The following EPHA1 variants were observed in gnomAD, a reference collection of about 807,000 sequenced individuals.
EPHA1 encodes the protein EPH receptor A1, also known as ephrin type-A receptor 1.
EPHA1 carries 92 observed loss-of-function variants against 110.1 expected under a neutral mutation model. That is an observed-to-expected ratio of 0.84 (90% CI 0.71 to 0.99). The LOEUF is 0.99. Ranked by LOEUF, EPHA1 falls within the 50% of genes least tolerant of loss-of-function variation. The probability of loss-of-function intolerance (pLI) is 0.00; values close to 1 mark genes in which losing one functional copy is unlikely to be tolerated. For synonymous variants in EPHA1, 500 were observed against 516.1 expected (o/e 0.97, Z 0.42); for missense variants, 1,204 against 1,285.4 (o/e 0.94, Z 0.97).
At position 143,395,618 on chromosome 7, in the gene EPHA1, G is replaced by A; in HGVS notation, c.1898-114C>T. On this transcript the variant is annotated intron_variant, in intron 11 of 17. Transcript: ENST00000275815. This position sits in a 1 kb window ranked among gnomAD's most constrained non-coding sequence, Gnocchi z 4.7. ...TTCTTTTCTGGAGAATCAGAAGCGTGGAGTGCCCTTCCTGGGACAGGGCGT... is the reference window on the plus strand; with the variant it reads ...TTCTTTTCTGGAGAATCAGAAGCGTAGAGTGCCCTTCCTGGGACAGGGCGT... 1 of 1,149,792 alleles carries A rather than the reference G, an allele frequency of 8.7e-7. No homozygotes were observed. Among genetic ancestry groups the A allele is most frequent in the Non-Finnish European group, 1.2e-6 (1 of 823,898 alleles). The allele number at this position is 1,149,792 out of a possible 1,614,324, so 71.2% of individuals were successfully genotyped here. A position where few individuals can be genotyped will look rare whatever the true frequency, so the allele number is the denominator to read the frequency against.
chr7:143,391,550 G>C lies in EPHA1; in HGVS notation c.2853-15C>G, dbSNP rs571149481. The C allele has an allele frequency of 1.2e-6, 2 of 1,614,194 alleles. No homozygotes were observed. The highest frequency in any genetic ancestry group is 2.2e-5 in the East Asian group (1 of 44,882). On this transcript the variant is annotated splice_polypyrimidine_tract_variant and intron_variant, in intron 17 of 17. Transcript: ENST00000275815. ...GCGTCAGGTCCCTGTGGGCAAGGAA[G>C]GGTGGGGGCATGAGTCCGGAGGCTC... is the stretch of plus-strand genomic sequence containing the variant.
rs912992397 is a variant in EPHA1, at chr7:143,393,931, G to A, written c.2503-67C>T. The A allele has an allele frequency of 5.2e-5, 77 of 1,479,288 alleles. No individual in the cohort carries two copies. The highest frequency in any genetic ancestry group is 1.8e-4 in the Middle Eastern group (1 of 5,432). The allele number at this position is 1,479,288 out of a possible 1,614,324, so 91.6% of individuals were successfully genotyped here. Reference sequence around the variant, plus strand: ...ACCTGGAGGCCCATGAGAAACCGACGGTCACACAAGATAATTGCAGTGGAG... The same window carrying A: ...ACCTGGAGGCCCATGAGAAACCGACAGTCACACAAGATAATTGCAGTGGAG... On this transcript the variant is annotated intron_variant, in intron 15 of 17. Transcript: ENST00000275815. The surrounding 1 kb of genome is among the most constrained non-coding windows in gnomAD (Gnocchi z 5.6).
At position 143,397,557 on chromosome 7, in the gene EPHA1, G is replaced by T; in HGVS notation, c.1712+4C>A. The T allele has an allele frequency of 6.2e-7, 1 of 1,614,086 alleles. No homozygotes were observed. Among genetic ancestry groups the T allele is most frequent in the South Asian group, 1.1e-5 (1 of 91,084 alleles). ...GTGGTTGGGGAGGGGGCAGGAGCTG[G>T]CACCTGGACCGGAAAACGAGAATCC... is the stretch of plus-strand genomic sequence containing the variant. On this transcript the variant is annotated splice_donor_region_variant and intron_variant, in intron 9 of 17. Coordinates refer to ENST00000275815, the MANE Select transcript of EPHA1 (RefSeq NM_005232.5).
At chr7:143,397,268 C>A in intron 10 of EPHA1, 36 bp downstream of exon 10, 1 of 1,538,870 alleles carries the variant, frequency 6.5e-7, no homozygotes, top group Non-Finnish European at 8.8e-7. Flanking sequence ...GGTGTGCACA[C>A]GCATGTGGGG....
chr7:143,401,424 C>T lies in EPHA1; in HGVS notation c.332G>A (p.Gly111Glu), dbSNP rs756424890. 1.2e-6 allele frequency: 2 copies of T among 1,614,004 alleles called. No individual in the cohort carries two copies. The highest frequency in any genetic ancestry group is 1.7e-6 in the Non-Finnish European group (2 of 1,180,052). Residue 111 changes from glycine (G) to glutamate (E), a missense_variant, in exon 3 of 18, where the codon GGG becomes GAG. Physicochemically the swap from Gly to Glu is moderately conservative, Grantham distance 98. Coordinates refer to ENST00000275815, the MANE Select transcript of EPHA1 (RefSeq NM_005232.5). The surrounding 1 kb of genome is among the most constrained non-coding windows in gnomAD (Gnocchi z 4.1). ...FTVRDCKSFP[G>E]GAGPLGCKET... ...CTTGCAGCCCAGAGGCCCGGCTCCC[C>T]CAGGGAAACTCTTGCAGTCCCGCAC...
intron 8 of EPHA1, 130 bp downstream of exon 8, chr7:143,397,790 C>T (rs562294624): frequency 2.0e-6 from 3 of 1,523,266 alleles, no homozygotes; most frequent in South Asian, 2.3e-5. Context: ...TGTCCCCTAC[C>T]CCCGGAAGAA....
chr7:143,403,522 GT>G (rs200578815), intron 2 of EPHA1, among the ~76,000 whole-genome samples: 15 of 151,374 alleles, frequency 9.9e-5, no homozygotes, highest in Non-Finnish European at 8.8e-5. Context: ...ACAGCTTCTA[GT>G]TTTTTTTTCT....
Position 143,395,304 on chromosome 7 carries a change from G to C in EPHA1, c.2083+15C>G, listed in dbSNP as rs1805212767. On this transcript the variant is annotated intron_variant, in intron 12 of 17. Transcript: ENST00000275815. The surrounding 1 kb of genome is among the most constrained non-coding windows in gnomAD (Gnocchi z 4.7). ...GCATTTCCCGCCCCCAGCTGAGGGA[G>C]ACCACTCATCGTACGCTTTGTGACG... The C allele has an allele frequency of 6.2e-7, 1 of 1,613,998 alleles. No homozygotes were observed. Among genetic ancestry groups the C allele is most frequent in the Non-Finnish European group, 8.5e-7 (1 of 1,180,020 alleles).
chr7:143,392,202 G>T (rs10227035), intron 16 of EPHA1, among the ~76,000 whole-genome samples: 1,921 of 152,286 alleles, frequency 0.013, 37 homozygotes, highest in African/African-American at 0.044. Context: ...TGAGTTCCGG[G>T]AGCAGTCCTT....
At chr7:143,407,767 GGCTGC>G in intron 1 of EPHA1, 89 bp from the exon 2 acceptor site, 9 of 1,202,344 alleles carry the variant, frequency 7.5e-6, no homozygotes, top group African/African-American at 1.5e-5. Context: ...CTCAGCCCCA[GGCTGC>G]AACATCCTGT....
rs1036785002 is a variant in EPHA1 at position 143,395,710 on chromosome 7, T to C, written c.1898-206A>G. Reference sequence around the variant, plus strand: ...TGCAATGCCGTGACCTATTCACCACTGTCTCCCAGTGTTTGCACAGTTCTT... The same window carrying C: ...TGCAATGCCGTGACCTATTCACCACCGTCTCCCAGTGTTTGCACAGTTCTT... On this transcript the variant is annotated intron_variant, in intron 11 of 17. Transcript: ENST00000275815. This position sits in a 1 kb window ranked among gnomAD's most constrained non-coding sequence, Gnocchi z 4.7. 1 of 598,536 alleles carries C rather than the reference T, an allele frequency of 1.7e-6. No individual in the cohort carries two copies. Among genetic ancestry groups the C allele is most frequent in the Non-Finnish European group, 2.9e-6 (1 of 339,628 alleles). The allele number at this position is 598,536 out of a possible 1,614,324, so 37.1% of individuals were successfully genotyped here. A position where few individuals can be genotyped will look rare whatever the true frequency, so the allele number is the denominator to read the frequency against.
chr7:143,395,427 T>C lies in EPHA1; in HGVS notation c.1975A>G (p.Lys659Glu), dbSNP rs781335770. The C allele has an allele frequency of 1.9e-6, 3 of 1,614,180 alleles. No individual in the cohort carries two copies. Among genetic ancestry groups the C allele is most frequent in the Non-Finnish European group, 2.5e-6 (3 of 1,180,042 alleles). The stretch of plus-strand genomic sequence containing the variant: ...CACTGGCCACCTGGGGATGTGTCTT[T>C]TAAGGTCTTAATGGCCACAGTCTTG... ...DCKTVAIKTL[K>E]DTSPGGQWWN... is the part of the protein sequence containing the mutation. Residue 659 changes from lysine to glutamate, a missense_variant, in exon 12 of 18, where the codon AAA becomes GAA. Lys to Glu is a moderately conservative substitution (Grantham distance 56). Coordinates refer to ENST00000275815, the MANE Select transcript of EPHA1 (RefSeq NM_005232.5). The surrounding 1 kb of genome is among the most constrained non-coding windows in gnomAD (Gnocchi z 4.7).
At chr7:143,396,709 C>A (rs1175698066) in intron 10 of EPHA1, 199 bp from the exon 11 acceptor site, 2 of 589,710 alleles carry the variant, frequency 3.4e-6, no homozygotes, top group African/African-American at 3.7e-5. Flanking sequence ...CCAAGCTCCG[C>A]TGTCCTCACT....
Position 143,391,161 on chromosome 7 carries a change from T to G in EPHA1, c.*296A>C. 1 of 391,474 alleles carries G rather than the reference T, an allele frequency of 2.6e-6. No homozygotes were observed. The highest frequency in any genetic ancestry group is 4.8e-5 in the East Asian group (1 of 20,978). 24.3% of individuals were successfully genotyped at this position (391,474 alleles called of 1,614,324 possible). On this transcript the variant is annotated 3_prime_UTR_variant, in exon 18 of 18. Coordinates refer to ENST00000275815, the MANE Select transcript of EPHA1 (RefSeq NM_005232.5). The stretch of plus-strand genomic sequence containing the variant: ...GTGCCTGCAGCCCTCATGGGTGGGA[T>G]GGAGGCAGAAAATCAGTTCCTGTTT...
At chr7:143,394,055 C>A (rs1300960060) in intron 15 of EPHA1, 139 bp downstream of exon 15, 1 of 1,295,302 alleles carries the variant, frequency 7.7e-7, no homozygotes, top group African/African-American at 1.5e-5. Context: ...AGGTGAAGAA[C>A]CAGAGGAGCC....
intron 2 of EPHA1, among the ~76,000 whole-genome samples, chr7:143,406,541 G>T (rs2116641282): frequency 6.6e-6 from 1 of 152,372 alleles, no homozygotes; most frequent in African/African-American, 2.4e-5. Flanking sequence ...CCGAGGAGGA[G>T]GGTCAGGTAA....
rs765891077 is a variant in EPHA1 at position 143,398,037 on chromosome 7, T to A, written c.1498A>T (p.Arg500Trp). ...GGCTGCAGCTCTGTCAGCAAGACCC[T>A]GGGTTCTAGAACCATCTGGTACCGT... ...EERYQMVLEP[R>W]VLLTELQPDT... Residue 500 changes from arginine to tryptophan, a missense_variant, in exon 8 of 18, where the codon AGG becomes TGG. Arg to Trp is a moderately radical substitution (Grantham distance 101). Coordinates refer to ENST00000275815, the MANE Select transcript of EPHA1 (RefSeq NM_005232.5). 2 of 1,614,016 alleles carry A rather than the reference T, an allele frequency of 1.2e-6. No individual in the cohort carries two copies. Among genetic ancestry groups the A allele is most frequent in the Non-Finnish European group, 1.7e-6 (2 of 1,180,020 alleles).
chr7:143,405,558 T>A (rs981631523), intron 2 of EPHA1, among the ~76,000 whole-genome samples: 11 of 152,254 alleles, frequency 7.2e-5, no homozygotes, highest in African/African-American at 2.6e-4. Context: ...AGGACTGTTT[T>A]GCCTGTGCTG....
Position 143,395,313 on chromosome 7 carries a change from T to TC in EPHA1, c.2083+5dup. ...GCCCCCAGCTGAGGGAGACCACTCA[T>TC]CGTACGCTTTGTGACGACGCCTTCC... On this transcript the variant is annotated splice_donor_region_variant and intron_variant, in intron 12 of 17. Transcript: ENST00000275815. The surrounding 1 kb of genome is among the most constrained non-coding windows in gnomAD (Gnocchi z 4.7). 1 of 1,614,162 alleles carries TC rather than the reference T, an allele frequency of 6.2e-7. No individual in the cohort carries two copies. Among genetic ancestry groups the TC allele is most frequent in the South Asian group, 1.1e-5 (1 of 91,072 alleles).
Sources: allele counts gnomAD v4.1 joint callset (sites outside exome capture counted in the v4.1 genomes callset), GRCh38; gene constraint gnomAD v4.1.1; non-coding constraint Gnocchi (gnomAD v3.1); transcripts MANE v1.5; gene names NCBI Gene and HGNC (gene_info 2026-07-23, HGNC 2026-07-21).